Variants in TASP1 observed in about 807,000 individuals in gnomAD.
TASP1 encodes threonine aspartase 1.
A neutral mutation model predicts 56.6 loss-of-function variants in TASP1; 16 were observed. That is an observed-to-expected ratio of 0.28 (90% CI 0.19 to 0.43). TASP1 has a LOEUF of 0.43. TASP1 is among the 20% of genes least tolerant of loss of function. TASP1 has a pLI of 1.00. For missense variants in TASP1, 393 were observed against 511.6 expected (o/e 0.77, Z 2.24); for synonymous variants, 179 against 184.2 (o/e 0.97, Z 0.23).
chr20:13,629,364 C>CAA (rs1218111399), intron 2 of TASP1, among the ~76,000 whole-genome samples: 92 of 52,026 alleles, frequency 1.8e-3, no homozygotes, highest in African/African-American at 5.0e-3. Flanking sequence ...AACTCCATCT[C>CAA]AAAAAAAAAA....
the TASP1 span, among the ~76,000 whole-genome samples, chr20:13,257,612 T>C: frequency 1.3e-5 from 2 of 152,112 alleles, no homozygotes; most frequent in Non-Finnish European, 2.9e-5. Context: ...ACTATATCTA[T>C]GGGTTTTGTT....
At position 13,450,908 on chromosome 20, in the gene TASP1, C is replaced by T. The variant is rs560111356; in HGVS notation, c.986-15754G>A. Among the ~76,000 whole-genome samples the T allele has an allele frequency of 3.9e-5, 6 of 152,110 alleles. No homozygotes were observed. The South Asian group carries it at 6.2e-4, about 16-fold the overall frequency. On this transcript the variant is annotated intron_variant, in intron 11 of 13. Coordinates refer to ENST00000337743, the MANE Select transcript of TASP1 (RefSeq NM_017714.3). ...TAAAGGTTTTTAATTTACTTGTCCC[C>T]GGTTCATCAGAAGAATCACTATCTA... is the stretch of plus-strand genomic sequence containing the variant.
At chr20:13,277,272 C>T in the TASP1 span, among the ~76,000 whole-genome samples, 4 of 152,258 alleles carry the variant, frequency 2.6e-5, no homozygotes, top group Admixed American at 6.5e-5. Flanking sequence ...AAATGGAATA[C>T]CAAAAGTGTT....
At chr20:13,207,056 A>C in the TASP1 span, among the ~76,000 whole-genome samples, 5 of 152,212 alleles carry the variant, frequency 3.3e-5, no homozygotes, top group Non-Finnish European at 4.4e-5. Context: ...GAGACAATTC[A>C]GCTCATTTTT....
chr20:13,433,218 CAT>C (rs2042874854), intron 12 of TASP1, among the ~76,000 whole-genome samples: 1 of 152,066 alleles, frequency 6.6e-6, no homozygotes, highest in African/African-American at 2.4e-5. Flanking sequence ...TGAGTGAGAA[CAT>C]GTGGTGTTTG....
chr20:13,270,420 C>T, the TASP1 span: 2 of 1,447,970 alleles, frequency 1.4e-6, no homozygotes, highest in Non-Finnish European at 1.9e-6. Context: ...ATTGTCCTTG[C>T]TCCTGAATAT....
the TASP1 span, among the ~76,000 whole-genome samples, chr20:13,131,199 T>C: frequency 1.3e-5 from 2 of 152,208 alleles, no homozygotes; most frequent in African/African-American, 4.8e-5. Flanking sequence ...TTTCAAGTAA[T>C]CAATCAACAT....
chr20:13,325,894 C>T, the TASP1 span, among the ~76,000 whole-genome samples: 21 of 152,106 alleles, frequency 1.4e-4, no homozygotes, highest in African/African-American at 5.1e-4. Flanking sequence ...GAATATAGAA[C>T]ACCAATACAC....
At chr20:13,332,553 G>A in the TASP1 span, among the ~76,000 whole-genome samples, 17 of 152,290 alleles carry the variant, frequency 1.1e-4, no homozygotes, top group African/African-American at 3.6e-4. Context: ...ACATGTGTAT[G>A]TATTTAATTC....
At chr20:13,217,269 G>A in the TASP1 span, among the ~76,000 whole-genome samples, 1 of 152,150 alleles carries the variant, frequency 6.6e-6, no homozygotes, top group African/African-American at 2.4e-5. Flanking sequence ...AGACAAGATT[G>A]GCCATAAGTT....
At chr20:13,220,283 G>C in the TASP1 span, among the ~76,000 whole-genome samples, 162 of 152,352 alleles carry the variant, frequency 1.1e-3, no homozygotes, top group African/African-American at 3.8e-3. Context: ...AGGGAAGTGC[G>C]CGGTGCCACG....
chr20:13,154,252 C>A, the TASP1 span: 2 of 1,363,024 alleles, frequency 1.5e-6, no homozygotes, highest in East Asian at 2.4e-5. Context: ...GTTCAGAATT[C>A]ACTCGTACGG....
intron 8 of TASP1, among the ~76,000 whole-genome samples, chr20:13,539,428 T>A (rs1327045518): frequency 1.3e-5 from 2 of 152,084 alleles, no homozygotes; most frequent in Admixed American, 1.3e-4. Context: ...CACACACCTG[T>A]AGTCTGAGCT....
chr20:13,557,553 T>C (rs1186294752), intron 8 of TASP1, among the ~76,000 whole-genome samples: 1 of 151,134 alleles, frequency 6.6e-6, no homozygotes, highest in African/African-American at 2.4e-5. Context: ...TCTATGCAAA[T>C]TTTATTACGA....
At chr20:13,504,468 A>G (rs573998729) in intron 10 of TASP1, among the ~76,000 whole-genome samples, 1 of 152,268 alleles carries the variant, frequency 6.6e-6, no homozygotes, top group East Asian at 1.9e-4. Context: ...TGCTAAAGGG[A>G]GTTCTACTAG....
chr20:13,354,367 G>A, the TASP1 span, among the ~76,000 whole-genome samples: 1 of 152,152 alleles, frequency 6.6e-6, no homozygotes, highest in Non-Finnish European at 1.5e-5. Flanking sequence ...CCCACTCTGA[G>A]ACTCATTGAA....
chr20:13,467,418 A>C (rs1164914618), intron 11 of TASP1, among the ~76,000 whole-genome samples: 1 of 112,164 alleles, frequency 8.9e-6, no homozygotes, highest in Non-Finnish European at 1.7e-5. Flanking sequence ...ATGTCTTCCT[A>C]AAAAAAAAAA....
the TASP1 span, among the ~76,000 whole-genome samples, chr20:13,224,717 A>G: frequency 6.6e-6 from 1 of 152,190 alleles, no homozygotes; most frequent in Admixed American, 6.5e-5. Context: ...TTCTTATTTA[A>G]GGATATATCA....
chr20:13,516,463 T>C (rs1184272399), intron 10 of TASP1, among the ~76,000 whole-genome samples: 6 of 152,104 alleles, frequency 3.9e-5, no homozygotes. Context: ...TCCAGCCCTG[T>C]TTCTGTGAAC....
Sources: allele counts gnomAD v4.1 joint callset (sites outside exome capture counted in the v4.1 genomes callset), GRCh38; gene constraint gnomAD v4.1.1; transcripts MANE v1.5; gene names NCBI Gene and HGNC (gene_info 2026-07-23, HGNC 2026-07-21).